ADGRL3: variants seen among roughly 807,000 people sequenced by gnomAD.
The protein encoded by ADGRL3 is calcium-independent alpha-latrotoxin receptor 3.
In ADGRL3, 62 loss-of-function variants were observed where a neutral mutation model predicts 153.5. The ratio of observed to expected loss-of-function variants is 0.40; its 90% CI spans 0.33 to 0.50. The LOEUF is 0.50. ADGRL3 is among the 20% of genes least tolerant of loss of function. The pLI is 0.47. For missense variants in ADGRL3, 1,641 were observed against 1,859.4 expected, an observed-to-expected ratio of 0.88 and a Z score of 2.16; for synonymous variants, 710 against 672.5, an observed-to-expected ratio of 1.06 and a Z score of -0.86.
rs147507483 is a variant in ADGRL3 at position 61,387,532 on chromosome 4, C to T, written c.-174+4343C>T. On this transcript the variant is annotated intron_variant, in intron 2 of 26. Coordinates refer to ENST00000683033, the MANE Select transcript of ADGRL3 (RefSeq NM_001387552.1). ...CAGGGGGACCAGTTTAGAGACCCAC[C>T]CCCAGGTGCACATTCTCTTTCTCAG... Among the ~76,000 whole-genome samples, 600 of 152,138 alleles carry T rather than the reference C, an allele frequency of 3.9e-3. 7 individuals are homozygous for T. The highest frequency in any genetic ancestry group is 0.014 in the African/African-American group (581 of 41,502).
intron 1 of ADGRL3, among the ~76,000 whole-genome samples, chr4:61,280,389 G>A (rs1266044147): frequency 1.3e-5 from 2 of 148,226 alleles, no homozygotes; most frequent in Non-Finnish European, 3.0e-5. Flanking sequence ...TTTCAGGCAT[G>A]AGCCACTGCG....
intron 4 of ADGRL3, among the ~76,000 whole-genome samples, chr4:61,521,216 C>A (rs563810947): frequency 1.3e-5 from 2 of 152,216 alleles, no homozygotes; most frequent in South Asian, 4.1e-4. Flanking sequence ...CTCTAAGCTG[C>A]AACCTAACAG....
rs1156567103 is a variant in ADGRL3 at position 62,070,205 on chromosome 4, A to G, written c.3929A>G (p.Tyr1310Cys). Residue 1310 changes from tyrosine to cysteine, a missense_variant, in exon 27 of 27, where the codon TAC becomes TGC. This residue lies in a region of ADGRL3 where 517 missense variants were observed against 555.0 expected (regional missense o/e 0.93). Coordinates refer to ENST00000683033, the MANE Select transcript of ADGRL3 (RefSeq NM_001387552.1). ...AGTTACAGCATTGCCAGCGGCGAAT[A>G]CCTGAGCAACTGTGTGCAAATCATA... ...GNSYSIASGE[Y>C]LSNCVQIIDR... 5.0e-6 allele frequency: 8 copies of G among 1,614,006 alleles called. No individual in the cohort carries two copies. The highest frequency in any genetic ancestry group is 6.8e-6 in the Non-Finnish European group (8 of 1,179,984).
At chr4:61,437,963 A>T in intron 2 of ADGRL3, among the ~76,000 whole-genome samples, 1 of 152,140 alleles carries the variant, frequency 6.6e-6, no homozygotes, top group East Asian at 1.9e-4. Flanking sequence ...TCACATTTGG[A>T]ACTTGATCCA....
At chr4:61,319,016 A>G (rs904424164) in intron 1 of ADGRL3, among the ~76,000 whole-genome samples, 9 of 152,190 alleles carry the variant, frequency 5.9e-5, no homozygotes, top group African/African-American at 2.2e-4. Flanking sequence ...AGTGAAAAGA[A>G]AATGGAAACT....
intron 2 of ADGRL3, among the ~76,000 whole-genome samples, chr4:61,412,356 A>G (rs2097097756): frequency 6.6e-6 from 1 of 152,072 alleles, no homozygotes; most frequent in South Asian, 2.1e-4. Context: ...CCAAAGTGCT[A>G]GGATTATAGG....
At chr4:61,702,534 A>G (rs780034736) in intron 6 of ADGRL3, among the ~76,000 whole-genome samples, 3 of 152,132 alleles carry the variant, frequency 2.0e-5, no homozygotes, top group Admixed American at 6.5e-5. Flanking sequence ...TAAAATATTC[A>G]TTCTGACTTT....
At chr4:61,532,511 T>G (rs2098625619) in intron 4 of ADGRL3, among the ~76,000 whole-genome samples, 2 of 150,676 alleles carry the variant, frequency 1.3e-5, no homozygotes, top group Admixed American at 1.3e-4. Context: ...TTGTAAGTCT[T>G]GTTTCTGCAG....
intron 2 of ADGRL3, among the ~76,000 whole-genome samples, chr4:61,434,317 T>G (rs2097416472): frequency 6.6e-6 from 1 of 152,094 alleles, no homozygotes; most frequent in African/African-American, 2.4e-5. Flanking sequence ...ACACAGATAT[T>G]ATTGAGGTAA....
At chr4:61,436,889 T>TGA (rs532240581) in intron 2 of ADGRL3, among the ~76,000 whole-genome samples, 1,619 of 21,974 alleles carry the variant, frequency 0.074, 24 homozygotes, top group Middle Eastern at 0.12. Flanking sequence ...GTACTTGATA[T>TGA]CAAAAAAAAG....
At chr4:61,994,500 A>C (rs570393823) in intron 19 of ADGRL3, among the ~76,000 whole-genome samples, 64 of 151,376 alleles carry the variant, frequency 4.2e-4, no homozygotes, top group Non-Finnish European at 7.2e-4. Context: ...GTTTTGGTTC[A>C]AGGTTTTTTT....
intron 23 of ADGRL3, among the ~76,000 whole-genome samples, chr4:62,034,908 A>G (rs746611419): frequency 1.3e-5 from 2 of 151,890 alleles, no homozygotes; most frequent in Non-Finnish European, 2.9e-5. Flanking sequence ...AATATCAGAA[A>G]TATTTTACTG....
At chr4:61,454,820 AT>A (rs554969553) in intron 2 of ADGRL3, among the ~76,000 whole-genome samples, 1 of 152,020 alleles carries the variant, frequency 6.6e-6, no homozygotes, top group Non-Finnish European at 1.5e-5. Flanking sequence ...TGGAAGATAG[AT>A]TTTTTTTCCT....
At chr4:62,063,719 G>T in intron 25 of ADGRL3, 1 of 521,264 alleles carries the variant, frequency 1.9e-6, no homozygotes, top group Non-Finnish European at 3.5e-6. Context: ...TCTTTCTCCT[G>T]CCTTTCTTTG....
Position 62,006,030 on chromosome 4 carries a change from A to ATTT in ADGRL3, c.3395+7766_3395+7767insTTT, listed in dbSNP as rs1345713033. Among the ~76,000 whole-genome samples, 126 of 80,248 alleles carry ATTT rather than the reference A, an allele frequency of 1.6e-3. 1 individual carries two copies. Among genetic ancestry groups the ATTT allele is most frequent in the African/African-American group, 4.4e-3 (96 of 21,614 alleles). The allele number at this position is 80,248 out of a possible 152,430, so 52.6% of individuals were successfully genotyped here. Reference sequence around the variant, plus strand: ...TATATATATATATATATATATATATATATTTTTTTTTTTTTTTGAGAAAGG... The same window carrying ATTT: ...TATATATATATATATATATATATATATTTTATTTTTTTTTTTTTTTGAGAAAGG... On this transcript the variant is annotated intron_variant, in intron 21 of 26. Coordinates refer to ENST00000683033, the MANE Select transcript of ADGRL3 (RefSeq NM_001387552.1).
chr4:62,008,862 G>A (rs536627875), intron 21 of ADGRL3, among the ~76,000 whole-genome samples: 6 of 152,060 alleles, frequency 3.9e-5, no homozygotes, highest in South Asian at 2.1e-4. Flanking sequence ...GTATGATGGC[G>A]ATCTCATAAG....
chr4:62,006,003 C>CACACATATATAT (rs1230956055), intron 21 of ADGRL3, among the ~76,000 whole-genome samples: 1 of 48,988 alleles, frequency 2.0e-5, no homozygotes, highest in East Asian at 9.0e-4. Context: ...CACACACACA[C>CACACATATATAT]ATATATATAT....
chr4:62,049,166 G>A (rs1444404996), intron 25 of ADGRL3, among the ~76,000 whole-genome samples: 2 of 151,944 alleles, frequency 1.3e-5, no homozygotes, highest in Non-Finnish European at 2.9e-5. Flanking sequence ...ATCAAGTTTT[G>A]CTAAGTAGCT....
chr4:61,257,974 G>A (rs1228167575), intron 1 of ADGRL3, among the ~76,000 whole-genome samples: 1 of 152,128 alleles, frequency 6.6e-6, no homozygotes, highest in African/African-American at 2.4e-5. Context: ...AGTCAGAAGT[G>A]GTGTCTGAGT....
Sources: gnomAD v4.1 joint callset for allele counts (sites outside exome capture counted in the v4.1 genomes callset) on GRCh38, gnomAD v4.1.1 for gene constraint, gnomAD v4.1.1 regional missense constraint, MANE v1.5 for transcripts, NCBI Gene and HGNC (gene_info 2026-07-23, HGNC 2026-07-21) for gene names.